Variants in PRKN observed in about 807,000 individuals in gnomAD.
PRKN encodes the protein E3 ubiquitin-protein ligase parkin.
A neutral mutation model predicts 59.5 loss-of-function variants in PRKN; 56 were observed. The ratio of observed to expected loss-of-function variants is 0.94; its 90% CI spans 0.76 to 1.18. The LOEUF (loss-of-function observed/expected upper bound fraction) is 1.18, where lower values mean the gene tolerates loss of function less well. Ranked by LOEUF, PRKN falls within the 50% of genes most tolerant of loss-of-function variation. PRKN has a pLI of 0.00. For synonymous variants in PRKN, 250 were observed against 222.1 expected, an observed-to-expected ratio of 1.13 and a Z score of -1.12; for missense variants, 657 against 596.4, an observed-to-expected ratio of 1.10 and a Z score of -1.06.
chr6:162,353,773 T>C (rs1036479543), intron 2 of PRKN, among the ~76,000 whole-genome samples: 2 of 152,146 alleles, frequency 1.3e-5, no homozygotes, highest in Non-Finnish European at 2.9e-5. Context: ...TTACTTAAGT[T>C]GTAGTGTCCT....
intron 6 of PRKN, among the ~76,000 whole-genome samples, chr6:161,908,077 C>T (rs965863586): frequency 1.3e-5 from 2 of 150,338 alleles, no homozygotes; most frequent in Admixed American, 1.3e-4. Flanking sequence ...GACTCCATCT[C>T]AAACTAACAA....
chr6:162,597,957 G>A (rs911600068), intron 1 of PRKN, among the ~76,000 whole-genome samples: 2 of 152,026 alleles, frequency 1.3e-5, no homozygotes, highest in Admixed American at 1.3e-4. Context: ...AATATATTGA[G>A]CATTTTCAAT....
chr6:162,099,354 C>G (rs1440425381), intron 4 of PRKN, among the ~76,000 whole-genome samples: 1 of 152,168 alleles, frequency 6.6e-6, no homozygotes, highest in African/African-American at 2.4e-5. Flanking sequence ...TTCTTTTTAA[C>G]ATAAATTTCA....
At chr6:161,472,514 A>G (rs1332152286) in intron 9 of PRKN, among the ~76,000 whole-genome samples, 3 of 152,208 alleles carry the variant, frequency 2.0e-5, no homozygotes, top group South Asian at 2.1e-4. Flanking sequence ...TCAACTCAAC[A>G]TAGATGAAAG....
intron 10 of PRKN, among the ~76,000 whole-genome samples, chr6:161,375,000 A>T (rs1005612252): frequency 2.0e-5 from 3 of 152,112 alleles, no homozygotes; most frequent in Non-Finnish European, 2.9e-5. Context: ...CCAGGCAGGC[A>T]TCTGGTGGAG....
At chr6:162,542,204 T>G (rs1778954616) in intron 1 of PRKN, among the ~76,000 whole-genome samples, 1 of 152,164 alleles carries the variant, frequency 6.6e-6, no homozygotes, top group Admixed American at 6.5e-5. Context: ...TTTCATCTCT[T>G]TTCCTTTGAT....
At chr6:162,402,949 T>G in intron 2 of PRKN, among the ~76,000 whole-genome samples, 1 of 152,074 alleles carries the variant, frequency 6.6e-6, no homozygotes. Flanking sequence ...GGCCCTGTCA[T>G]GCATATATTT....
intron 2 of PRKN, among the ~76,000 whole-genome samples, chr6:162,431,847 C>G (rs1038954208): frequency 5.9e-5 from 9 of 152,088 alleles, no homozygotes; most frequent in African/African-American, 2.2e-4. Flanking sequence ...AATGCAAAAT[C>G]TATAGGTATG....
At chr6:162,014,709 C>A (rs1284832947) in intron 5 of PRKN, among the ~76,000 whole-genome samples, 1 of 152,114 alleles carries the variant, frequency 6.6e-6, no homozygotes, top group East Asian at 1.9e-4. Context: ...TACTCTGACA[C>A]CTGGCTCTCT....
chr6:162,280,117 T>C (rs1780821952), intron 2 of PRKN, among the ~76,000 whole-genome samples: 1 of 152,158 alleles, frequency 6.6e-6, no homozygotes, highest in Non-Finnish European at 1.5e-5. Context: ...TACTGACTTT[T>C]TATCCAATTT....
chr6:162,458,644 C>CT (rs71670667), intron 1 of PRKN, among the ~76,000 whole-genome samples: 97 of 137,474 alleles, frequency 7.1e-4, no homozygotes, highest in East Asian at 6.9e-3. Context: ...TTTTTGTTGC[C>CT]TTTTTTTTTT....
intron 9 of PRKN, among the ~76,000 whole-genome samples, chr6:161,532,191 T>A (rs7775920): frequency 0.013 from 1,796 of 141,588 alleles, 36 homozygotes; most frequent in African/African-American, 0.043. Flanking sequence ...TATATATATA[T>A]AATCTATCTA....
At chr6:161,476,390 C>G (rs1298426546) in intron 9 of PRKN, among the ~76,000 whole-genome samples, 1 of 152,024 alleles carries the variant, frequency 6.6e-6, no homozygotes, top group Non-Finnish European at 1.5e-5. Flanking sequence ...TAGTAACTTC[C>G]CCCCGAAGCT....
rs375320672 is a variant in PRKN at position 162,712,217 on chromosome 6, T to C, written c.7+15445A>G. On this transcript the variant is annotated intron_variant, in intron 1 of 11. Transcript: ENST00000366898. ...TTCTTATACTCCCTGCATGTCTTGTTGGGATACCAAGACTGCATTGTCCTG... is the reference window on the plus strand; with the variant it reads ...TTCTTATACTCCCTGCATGTCTTGTCGGGATACCAAGACTGCATTGTCCTG... Among the ~76,000 whole-genome samples, 180 of 152,268 alleles carry C rather than the reference T, an allele frequency of 1.2e-3. 1 individual carries two copies. Among genetic ancestry groups the C allele is most frequent in the African/African-American group, 4.1e-3 (171 of 41,556 alleles).
At chr6:162,568,570 A>G in intron 1 of PRKN, 2 of 737,756 alleles carry the variant, frequency 2.7e-6, no homozygotes, top group South Asian at 1.7e-5. Flanking sequence ...GCCGTGCAGG[A>G]GCAGGAGAAG....
Position 161,533,714 on chromosome 6 carries a change from T to C in PRKN, c.1083+15140A>G, listed in dbSNP as rs1355201764. Among the ~76,000 whole-genome samples, 1 of 152,032 alleles carries C rather than the reference T, an allele frequency of 6.6e-6. No homozygotes were observed. Among genetic ancestry groups the C allele is most frequent in the Non-Finnish European group, 1.5e-5 (1 of 68,010 alleles). On this transcript the variant is annotated intron_variant, in intron 9 of 11. Coordinates refer to ENST00000366898, the MANE Select transcript of PRKN (RefSeq NM_004562.3). The surrounding 1 kb of genome is among the most constrained non-coding windows in gnomAD (Gnocchi z 4.1). Reference sequence around the variant, plus strand: ...GGATCTGCCACCTTAACCCTTTTTTTCAGACATCTCTCTCTCTTGCAAGGA... The same window carrying C: ...GGATCTGCCACCTTAACCCTTTTTTCCAGACATCTCTCTCTCTTGCAAGGA...
chr6:162,506,243 A>G (rs920025514), intron 1 of PRKN, among the ~76,000 whole-genome samples: 11 of 139,594 alleles, frequency 7.9e-5, no homozygotes, highest in Non-Finnish European at 1.6e-4. Flanking sequence ...GGGAAAATAA[A>G]GAGGAAGCAA....
rs542268994 is a variant in PRKN, at chr6:162,548,107, T to A, written c.8-104634A>T. Reference sequence around the variant, plus strand: ...ACGGAGTCTCGCTCTGTCACCAGGCTCGTGTGCAGTGGCGCAATTTTGGCT... The same window carrying A: ...ACGGAGTCTCGCTCTGTCACCAGGCACGTGTGCAGTGGCGCAATTTTGGCT... On this transcript the variant is annotated intron_variant, in intron 1 of 11. Transcript: ENST00000366898. 2.8e-4 allele frequency among the ~76,000 whole-genome samples: 42 copies of A among 152,222 alleles called. No individual in the cohort carries two copies. The South Asian group carries it at 7.7e-3, about 28-fold the overall frequency.
intron 1 of PRKN, among the ~76,000 whole-genome samples, chr6:162,547,308 CT>C (rs2128202199): frequency 6.6e-6 from 1 of 152,300 alleles, no homozygotes; most frequent in Non-Finnish European, 1.5e-5. Flanking sequence ...ATTAGTTACA[CT>C]AGCAGCATTT....
Sources: allele counts gnomAD v4.1 joint callset (sites outside exome capture counted in the v4.1 genomes callset), GRCh38; gene constraint gnomAD v4.1.1; non-coding constraint Gnocchi (gnomAD v3.1); transcripts MANE v1.5; gene names NCBI Gene and HGNC (gene_info 2026-07-23, HGNC 2026-07-21).